CBR4: variants seen among roughly 807,000 people sequenced by gnomAD.
CBR4 encodes carbonyl reductase 4.
CBR4 carries 22 observed loss-of-function variants against 21.0 expected under a neutral mutation model. That is an observed-to-expected ratio of 1.05 (90% CI 0.75 to 1.50). The LOEUF (loss-of-function observed/expected upper bound fraction) is 1.50, where lower values mean the gene tolerates loss of function less well. Ranked by LOEUF, CBR4 falls within the 40% of genes most tolerant of loss-of-function variation. CBR4 has a pLI of 0.00. For synonymous variants in CBR4, 100 were observed against 104.4 expected, an observed-to-expected ratio of 0.96 and a Z score of 0.26; for missense variants, 302 against 286.3, an observed-to-expected ratio of 1.05 and a Z score of -0.40.
At chr4:168,917,895 A>G (rs577307530) in intron 2 of CBR4, among the ~76,000 whole-genome samples, 15 of 152,194 alleles carry the variant, frequency 9.9e-5, no homozygotes, top group African/African-American at 3.6e-4. Context: ...TAGTGCTTAT[A>G]TATCCGAGGA....
chr4:168,894,852 T>C (rs946730991), intron 2 of CBR4: 66 of 978,086 alleles, frequency 6.7e-5, no homozygotes, highest in Non-Finnish European at 4.9e-5. Flanking sequence ...GCACATACTA[T>C]GTTAAGTGAC....
intron 2 of CBR4, among the ~76,000 whole-genome samples, chr4:168,952,448 T>C (rs1227272785): frequency 1.3e-5 from 2 of 152,140 alleles, no homozygotes; most frequent in Non-Finnish European, 2.9e-5. Flanking sequence ...TTTGGATCCA[T>C]TGCTGCTGAC....
At chr4:168,914,147 C>T (rs970794000) in intron 2 of CBR4, 7 of 707,930 alleles carry the variant, frequency 9.9e-6, no homozygotes, top group Middle Eastern at 3.1e-4. Flanking sequence ...GGAATGCAAA[C>T]CTGAAGCCTG....
intron 2 of CBR4, among the ~76,000 whole-genome samples, chr4:168,954,940 T>C (rs1763641935): frequency 6.6e-6 from 1 of 152,210 alleles, no homozygotes; most frequent in African/African-American, 2.4e-5. Flanking sequence ...ACAGGATATT[T>C]ATACAACTGA....
rs1764828142 is a variant in CBR4 at position 168,989,949 on chromosome 4, TG to T, written c.*200del. 1 of 1,230,154 alleles carries T rather than the reference TG, an allele frequency of 8.1e-7. No homozygotes were observed. 76.2% of individuals were successfully genotyped at this position (1,230,154 alleles called of 1,614,324 possible). On this transcript the variant is annotated 3_prime_UTR_variant, in exon 5 of 5. Transcript: ENST00000306193. ...GGCTTTTTAAACAAAACAACACTGA[TG>T]TAACTTAGACCAAAAAAAAAAAAAC...
intron 2 of CBR4, among the ~76,000 whole-genome samples, chr4:168,946,979 A>G (rs1021379745): frequency 6.6e-6 from 1 of 152,194 alleles, no homozygotes; most frequent in South Asian, 2.1e-4. Flanking sequence ...ACAGAAAACC[A>G]CATAAAACAA....
intron 2 of CBR4, among the ~76,000 whole-genome samples, chr4:168,971,486 C>T (rs936938654): frequency 6.9e-6 from 1 of 144,820 alleles, no homozygotes; most frequent in Non-Finnish European, 1.5e-5. Flanking sequence ...AGGGTTTCAC[C>T]ATGTTGGCCC....
chr4:168,903,441 C>A (rs1402726688), intron 2 of CBR4, among the ~76,000 whole-genome samples: 1 of 152,008 alleles, frequency 6.6e-6, no homozygotes. Flanking sequence ...TCTATGAATG[C>A]CATGAAGTAA....
At chr4:168,926,358 T>C in intron 2 of CBR4, 1 of 1,537,324 alleles carries the variant, frequency 6.5e-7, no homozygotes, top group Non-Finnish European at 8.7e-7. Context: ...CACTGAATAC[T>C]GCCTTGGTAG....
chr4:168,899,605 G>A (rs1756011414), intron 2 of CBR4, among the ~76,000 whole-genome samples: 1 of 152,038 alleles, frequency 6.6e-6, no homozygotes, highest in African/African-American at 2.4e-5. Context: ...TCCTGAGACT[G>A]GGTAATTTAT....
intron 2 of CBR4, among the ~76,000 whole-genome samples, chr4:168,920,475 T>C (rs1171814990): frequency 7.9e-5 from 12 of 152,188 alleles, no homozygotes; most frequent in Admixed American, 7.9e-4. Flanking sequence ...TGACATCTTT[T>C]TGTATATAAC....
chr4:168,905,170 A>T (rs1302469414), intron 2 of CBR4, among the ~76,000 whole-genome samples: 5 of 13,116 alleles, frequency 3.8e-4, no homozygotes, highest in East Asian at 5.4e-3. Flanking sequence ...TTTTTTTTTG[A>T]GATGGAATCT....
intron 2 of CBR4, among the ~76,000 whole-genome samples, chr4:168,948,467 A>G (rs1475786664): frequency 6.6e-6 from 1 of 152,138 alleles, no homozygotes; most frequent in African/African-American, 2.4e-5. Context: ...GGGTTTTTCC[A>G]ATGTTATCTT....
intron 2 of CBR4, among the ~76,000 whole-genome samples, chr4:168,897,382 ATAGT>A (rs1275844930): frequency 3.3e-5 from 5 of 152,232 alleles, no homozygotes; most frequent in South Asian, 2.1e-4. Context: ...AAGAGAAAAC[ATAGT>A]TAAAGTTATC....
intron 2 of CBR4, among the ~76,000 whole-genome samples, chr4:168,961,927 C>T (rs1265713917): frequency 7.6e-6 from 1 of 130,768 alleles, no homozygotes; most frequent in East Asian, 2.2e-4. Context: ...GAGGGGAGAA[C>T]AAGAGGAGAG....
chr4:169,007,315 A>G (rs1421190740), intron 2 of CBR4, among the ~76,000 whole-genome samples: 1 of 152,226 alleles, frequency 6.6e-6, no homozygotes. Context: ...ACAAACTGGC[A>G]AAACTTATCT....
At chr4:168,961,612 G>A (rs569968666) in intron 2 of CBR4, among the ~76,000 whole-genome samples, 6 of 152,146 alleles carry the variant, frequency 3.9e-5, no homozygotes, top group East Asian at 3.9e-4. Context: ...AAAAGAGACC[G>A]GGTGTGGTGG....
rs993404050 is a variant in CBR4 at position 168,987,711 on chromosome 4, T to C, written c.*2439A>G. On this transcript the variant is annotated 3_prime_UTR_variant, in exon 5 of 5. Transcript: ENST00000306193. ...CTTAGAAAAAATGTTTCACCAATGT[T>C]AAGGTACAACTCTTGAATATGCAGC... 1.0e-6 allele frequency: 1 copy of C among 984,272 alleles called. No individual in the cohort carries two copies. Among genetic ancestry groups the C allele is most frequent in the African/African-American group, 1.7e-5 (1 of 57,218 alleles). The allele number at this position is 984,272 out of a possible 1,614,324, so 61.0% of individuals were successfully genotyped here.
rs560941802 is a variant in CBR4 at position 168,977,712 on chromosome 4, T to G, written n.169+24359A>C. On this transcript the variant is annotated intron_variant and non_coding_transcript_variant, in intron 2 of 3. Transcript: ENST00000509108. ...CACCTGAAATCAGCATGTTTAAAAT[T>G]AAACTCATGATCTCCCTGCCGAATA... Among the ~76,000 whole-genome samples, 269 of 152,322 alleles carry G rather than the reference T, an allele frequency of 1.8e-3. 1 individual carries two copies. The highest frequency in any genetic ancestry group is 5.9e-3 in the African/African-American group (246 of 41,566).
Sources: allele counts gnomAD v4.1 joint callset (sites outside exome capture counted in the v4.1 genomes callset), GRCh38; gene constraint gnomAD v4.1.1; transcripts MANE v1.5; gene names NCBI Gene and HGNC (gene_info 2026-07-23, HGNC 2026-07-21).